STS: variants seen among roughly 807,000 people sequenced by gnomAD.
The protein encoded by STS is steroid sulfatase, also known as steryl-sulfatase.
In STS, 7 loss-of-function variants were observed where a neutral mutation model predicts 26.8. That is an observed-to-expected ratio of 0.26 (90% CI 0.15 to 0.49). The LOEUF is 0.49. STS is among the 20% of genes least tolerant of loss of function. The pLI is 0.98. For missense variants in STS, 434 were observed against 465.6 expected, an observed-to-expected ratio of 0.93 and a Z score of 0.63; for synonymous variants, 199 against 189.4, an observed-to-expected ratio of 1.05 and a Z score of -0.42.
intron 2 of STS, among the ~76,000 whole-genome samples, chrX:7,234,072 G>A (rs1000900): frequency 0.23 from 26,002 of 111,060 alleles, 2,521 homozygotes; most frequent in Admixed American, 0.41. Context: ...TTTTACATCT[G>A]CTGCCCATGG....
At chrX:7,224,229 T>A (rs1269055381) in intron 2 of STS, among the ~76,000 whole-genome samples, 1 of 111,797 alleles carries the variant, frequency 8.9e-6, no homozygotes, top group African/African-American at 3.3e-5. Flanking sequence ...AGCCAAGTTC[T>A]GACTTGAGCA....
chrX:7,159,023 TA>T (rs1232034021), intron 1 of STS, among the ~76,000 whole-genome samples: 1 of 111,991 alleles, frequency 8.9e-6, no homozygotes, highest in African/African-American at 3.2e-5. Flanking sequence ...CTACTTTATA[TA>T]TTATTTGAGT....
At chrX:7,238,178 GTAGATAGATAGATAGATAGA>G (rs56331051) in intron 2 of STS, among the ~76,000 whole-genome samples, 23 of 91,137 alleles carry the variant, frequency 2.5e-4, no homozygotes, top group East Asian at 2.2e-3. Context: ...AATGCGTGGT[GTAGATAGATAGATAGATAGA>G]TAGATAGATA....
At chrX:7,168,035 A>C (rs1355896908) in intron 1 of STS, among the ~76,000 whole-genome samples, 2 of 111,022 alleles carry the variant, frequency 1.8e-5, no homozygotes, top group Non-Finnish European at 3.8e-5. Context: ...CTGATTAGGC[A>C]CCTTAATGAC....
chrX:7,202,385 C>G (rs1277112189), intron 2 of STS, among the ~76,000 whole-genome samples: 1 of 111,022 alleles, frequency 9.0e-6, no homozygotes, highest in African/African-American at 3.3e-5. Context: ...ACTCTATTGA[C>G]TACCTCTCTA....
intron 9 of STS, among the ~76,000 whole-genome samples, chrX:7,330,157 A>T (rs1927678455): frequency 8.9e-6 from 1 of 111,946 alleles, no homozygotes; most frequent in Admixed American, 9.5e-5. Flanking sequence ...TTGGAAATAA[A>T]TGGAGGACAA....
chrX:7,182,897 T>C (rs1431498987), intron 1 of STS, among the ~76,000 whole-genome samples: 2 of 110,907 alleles, frequency 1.8e-5, no homozygotes, highest in Non-Finnish European at 3.8e-5. Flanking sequence ...GTGACCTTTT[T>C]TGGAAATAGA....
chrX:7,294,694 G>A (rs1399718754), intron 7 of STS, among the ~76,000 whole-genome samples: 2 of 111,682 alleles, frequency 1.8e-5, no homozygotes, highest in South Asian at 3.7e-4. Context: ...AGCAAAATTT[G>A]GTTAGGTTGA....
chrX:7,299,576 G>A (rs1345228026), intron 7 of STS, among the ~76,000 whole-genome samples: 1 of 109,227 alleles, frequency 9.2e-6, no homozygotes, highest in East Asian at 2.8e-4. Context: ...TGACTTCATA[G>A]CACTTTGCTC....
Position 7,204,903 on chromosome X carries a change from C to T in STS, c.-5+13895C>T, listed in dbSNP as rs148674991. Reference sequence around the variant, plus strand: ...TCCTTTCCCTTATTCCTCCCTCCTTCGCTCTCTCTCTTGCTCCCTAATCAG... The same window carrying T: ...TCCTTTCCCTTATTCCTCCCTCCTTTGCTCTCTCTCTTGCTCCCTAATCAG... On this transcript the variant is annotated intron_variant, in intron 2 of 10. Coordinates refer to ENST00000674429, the MANE Select transcript of STS (RefSeq NM_001320752.2). Among the ~76,000 whole-genome samples the T allele has an allele frequency of 5.2e-3, 566 of 107,985 alleles. 1 individual carries two copies. Among genetic ancestry groups the T allele is most frequent in the Non-Finnish European group, 7.2e-3 (377 of 52,143 alleles). The allele number at this position is 107,985 out of a possible 115,157, so 93.8% of individuals were successfully genotyped here. A position where few individuals can be genotyped will look rare whatever the true frequency, so the allele number is the denominator to read the frequency against.
chrX:7,324,849 T>G (rs1185446530), intron 8 of STS, among the ~76,000 whole-genome samples: 1 of 111,836 alleles, frequency 8.9e-6, no homozygotes. Context: ...ACTCAGACAA[T>G]GCAGGGTAAT....
chrX:7,305,530 A>C (rs1926171241), intron 8 of STS, among the ~76,000 whole-genome samples: 1 of 112,176 alleles, frequency 8.9e-6, no homozygotes. Context: ...GCTTAAAACA[A>C]ATTTATGAAC....
chrX:7,215,138 C>CATAT (rs369499691), intron 2 of STS, among the ~76,000 whole-genome samples: 49 of 90,298 alleles, frequency 5.4e-4, no homozygotes, highest in East Asian at 1.8e-3. Context: ...CACACACACA[C>CATAT]ATATATATAT....
At chrX:7,152,077 C>T (rs998800517) in intron 1 of STS, among the ~76,000 whole-genome samples, 2 of 110,224 alleles carry the variant, frequency 1.8e-5, no homozygotes, top group African/African-American at 6.6e-5. Context: ...CTCAGCCTCC[C>T]AAGTAGCTGG....
chrX:7,223,498 G>T (rs1183132408), intron 2 of STS, among the ~76,000 whole-genome samples: 1 of 111,784 alleles, frequency 8.9e-6, no homozygotes, highest in African/African-American at 3.2e-5. Context: ...GATGATTAGT[G>T]GTCTTGCACA....
chrX:7,197,658 T>A (rs1933995447), intron 2 of STS, among the ~76,000 whole-genome samples: 1 of 112,326 alleles, frequency 8.9e-6, no homozygotes, highest in Admixed American at 9.4e-5. Flanking sequence ...GGAATGCCTC[T>A]GTTCTCAAGA....
At chrX:7,348,109 C>G (rs1363291973) in intron 10 of STS, among the ~76,000 whole-genome samples, 1 of 111,280 alleles carries the variant, frequency 9.0e-6, no homozygotes, top group African/African-American at 3.3e-5. Flanking sequence ...AGACTGCAGT[C>G]GTCTCATTAT....
chrX:7,328,947 C>T (rs373496979), intron 9 of STS, among the ~76,000 whole-genome samples: 4 of 111,566 alleles, frequency 3.6e-5, no homozygotes, highest in Admixed American at 9.5e-5. Flanking sequence ...CCACCCACCT[C>T]GGCCTCCCAG....
intron 2 of STS, among the ~76,000 whole-genome samples, chrX:7,222,226 G>A (rs930561681): frequency 3.6e-5 from 4 of 111,800 alleles, no homozygotes; most frequent in African/African-American, 9.8e-5. Context: ...TTCGTCTATC[G>A]TACTTTGGCA....
Sources: allele counts gnomAD v4.1 joint callset (sites outside exome capture counted in the v4.1 genomes callset), GRCh38; gene constraint gnomAD v4.1.1; transcripts MANE v1.5; gene names NCBI Gene and HGNC (gene_info 2026-07-23, HGNC 2026-07-21).